Variants in CSMD3 observed in about 807,000 individuals in gnomAD.
CSMD3 encodes CUB and sushi domain-containing protein 3.
In CSMD3, 177 loss-of-function variants were observed where a neutral mutation model predicts 435.2. The ratio of observed to expected loss-of-function variants is 0.41; its 90% CI spans 0.36 to 0.46. The LOEUF is 0.46. CSMD3 is among the 20% of genes least tolerant of loss of function. CSMD3 has a pLI of 0.34. For missense variants in CSMD3, 4,265 were observed against 4,504.6 expected, an observed-to-expected ratio of 0.95 and a Z score of 1.52; for synonymous variants, 1,656 against 1,520.5, an observed-to-expected ratio of 1.09 and a Z score of -2.07.
chr8:112,244,696 T>C (rs1814530967), intron 64 of CSMD3, 123 bp from the exon 65 acceptor site: 1 of 679,108 alleles, frequency 1.5e-6, no homozygotes, highest in African/African-American at 1.8e-5. Flanking sequence ...CTTAGAATAA[T>C]TATTCTAATA....
chr8:112,901,363 T>G (rs1168127362), intron 10 of CSMD3, among the ~76,000 whole-genome samples: 1 of 151,272 alleles, frequency 6.6e-6, no homozygotes, highest in African/African-American at 2.4e-5. Context: ...TTGGCCCTTT[T>G]TGGAAGATTT....
rs191081633 is a variant in CSMD3, at chr8:113,318,945, C to T, written c.179-4152G>A. Among the ~76,000 whole-genome samples, 633 of 151,876 alleles carry T rather than the reference C, an allele frequency of 4.2e-3. 1 individual carries two copies. The highest frequency in any genetic ancestry group is 0.013 in the African/African-American group (553 of 41,426). On this transcript the variant is annotated intron_variant, in intron 1 of 70. Coordinates refer to ENST00000297405, the MANE Select transcript of CSMD3 (RefSeq NM_198123.2). ...CATTTCATTTTCTTTATCAATTTATCTCTCAACGTGTATCTAGGTTGTTTC... is the reference window on the plus strand; with the variant it reads ...CATTTCATTTTCTTTATCAATTTATTTCTCAACGTGTATCTAGGTTGTTTC...
At chr8:112,416,921 C>A (rs1370058303) in intron 32 of CSMD3, among the ~76,000 whole-genome samples, 1 of 152,064 alleles carries the variant, frequency 6.6e-6, no homozygotes, top group African/African-American at 2.4e-5. Context: ...GTGAATTCAG[C>A]TTTGGTTTAA....
chr8:112,360,971 A>T (rs1827138512), intron 38 of CSMD3, among the ~76,000 whole-genome samples: 1 of 152,066 alleles, frequency 6.6e-6, no homozygotes, highest in Admixed American at 6.6e-5. Flanking sequence ...TTACACAAAT[A>T]AATCTCCAAG....
intron 13 of CSMD3, among the ~76,000 whole-genome samples, chr8:112,711,804 A>G (rs539751815): frequency 5.9e-5 from 9 of 152,180 alleles, no homozygotes; most frequent in African/African-American, 2.2e-4. Context: ...CTCAGGCTGG[A>G]GTGCAGTGGC....
In CSMD3 at chr8:112,690,038, T is replaced by C; in HGVS notation, c.1985A>G (p.Glu662Gly). The change falls in exon 14 of 71, where the codon GAA (glutamate) becomes GGA (glycine). Residue 662 changes from glutamate (E) to glycine (G), a missense_variant. Physicochemically the swap from Glu to Gly is moderately conservative, Grantham distance 98. Coordinates refer to ENST00000297405, the MANE Select transcript of CSMD3 (RefSeq NM_198123.2). ...FKVNYKEIEK[E>G]SCGDPGTPLY... ...GGGTGTACCAGGATCACCACAACTT[T>C]CTTTCTCAATTTCTGGAAAAATAGA... The C allele has an allele frequency of 6.2e-7, 1 of 1,613,040 alleles. No homozygotes were observed. The highest frequency in any genetic ancestry group is 2.2e-5 in the East Asian group (1 of 44,800).
chr8:113,102,680 G>C (rs760593149), intron 4 of CSMD3, among the ~76,000 whole-genome samples: 24 of 152,080 alleles, frequency 1.6e-4, no homozygotes, highest in Admixed American at 6.6e-5. Context: ...TACATGAAAA[G>C]CAGAGGGAAG....
At chr8:112,702,672 G>C (rs899961126) in intron 13 of CSMD3, among the ~76,000 whole-genome samples, 13 of 152,174 alleles carry the variant, frequency 8.5e-5, no homozygotes, top group Admixed American at 7.2e-4. Context: ...TAAGAGAACA[G>C]AGAGTTATCA....
intron 1 of CSMD3, among the ~76,000 whole-genome samples, chr8:113,396,975 T>C (rs375089487): frequency 5.3e-5 from 8 of 152,274 alleles, no homozygotes; most frequent in African/African-American, 1.7e-4. Context: ...AAAGGTACTG[T>C]TGAAGTTGAA....
At chr8:113,348,491 C>A (rs1281216881) in intron 1 of CSMD3, among the ~76,000 whole-genome samples, 1 of 152,028 alleles carries the variant, frequency 6.6e-6, no homozygotes, top group African/African-American at 2.4e-5. Flanking sequence ...CCTCTCTTTA[C>A]TAGGAAACCC....
At position 112,921,719 on chromosome 8, in the gene CSMD3, T is replaced by C; in HGVS notation, c.1541A>G (p.Glu514Gly). ...LGSTVQFSCD[E>G]DYVLQGAKSI... ...CTTTGCGCCCTGTAGGACATAATCT[T>C]CATCACAAGAGAACTGCACAGTTGA... The change falls in exon 10 of 71, where the codon GAA becomes GGA. Residue 514 changes from glutamate (E) to glycine (G), a missense_variant. Transcript: ENST00000297405. 1 of 1,610,590 alleles carries C rather than the reference T, an allele frequency of 6.2e-7. No individual in the cohort carries two copies.
chr8:112,333,097 T>A (rs1419815195), intron 45 of CSMD3, among the ~76,000 whole-genome samples: 4 of 152,184 alleles, frequency 2.6e-5, no homozygotes, highest in African/African-American at 9.7e-5. Flanking sequence ...GATCAAAGTG[T>A]AACTTGTCCA....
rs556411805 is a variant in CSMD3, at chr8:112,274,657, C to A, written c.9508+6517G>T. Among the ~76,000 whole-genome samples, 518 of 152,162 alleles carry A rather than the reference C, an allele frequency of 3.4e-3. 3 individuals are homozygous for A. The highest frequency in any genetic ancestry group is 0.012 in the African/African-American group (483 of 41,488). The stretch of plus-strand genomic sequence containing the variant: ...GGAATGCCACTTGTCATACAGAATT[C>A]TATACCCAGCAAAAATATGTATTTT... On this transcript the variant is annotated intron_variant, in intron 59 of 70. Coordinates refer to ENST00000297405, the MANE Select transcript of CSMD3 (RefSeq NM_198123.2).
intron 13 of CSMD3, among the ~76,000 whole-genome samples, chr8:112,721,968 CCTT>C (rs1452539950): frequency 6.6e-6 from 1 of 151,980 alleles, no homozygotes; most frequent in Non-Finnish European, 1.5e-5. Context: ...TGAAATCTGA[CCTT>C]CTTGTGTTTG....
At chr8:112,954,031 C>T (rs1401112548) in intron 8 of CSMD3, among the ~76,000 whole-genome samples, 4 of 151,214 alleles carry the variant, frequency 2.6e-5, no homozygotes, top group South Asian at 2.1e-4. Context: ...AAAAAAATTT[C>T]GTGTTTGGTT....
chr8:112,615,441 T>C (rs1363019120), intron 22 of CSMD3, among the ~76,000 whole-genome samples: 1 of 152,124 alleles, frequency 6.6e-6, no homozygotes, highest in Non-Finnish European at 1.5e-5. Flanking sequence ...CAAATTTTAA[T>C]TGAGAGTTTT....
At chr8:112,689,124 G>C (rs964641089) in intron 14 of CSMD3, among the ~76,000 whole-genome samples, 3 of 152,006 alleles carry the variant, frequency 2.0e-5, no homozygotes, top group African/African-American at 4.8e-5. Flanking sequence ...TAAAACAAAA[G>C]GGGACTGTGA....
intron 2 of CSMD3, chr8:113,312,180 T>C (rs2093874734): frequency 6.6e-6 from 1 of 152,154 alleles, no homozygotes. Context: ...ATTGTAATGA[T>C]AGTTCTGCCT....
intron 3 of CSMD3, among the ~76,000 whole-genome samples, chr8:113,199,922 A>T (rs934328754): frequency 6.6e-6 from 1 of 151,870 alleles, no homozygotes; most frequent in African/African-American, 2.4e-5. Context: ...CAGGGCCTTG[A>T]TTATTAACAT....
Sources: allele counts gnomAD v4.1 joint callset (sites outside exome capture counted in the v4.1 genomes callset), GRCh38; gene constraint gnomAD v4.1.1; transcripts MANE v1.5; gene names NCBI Gene and HGNC (gene_info 2026-07-23, HGNC 2026-07-21).